The following GPR161 variants were observed in gnomAD, a reference collection of about 807,000 sequenced individuals.
GPR161 encodes the protein G-protein coupled receptor RE2.
In GPR161, 25 loss-of-function variants were observed where a neutral mutation model predicts 39.2. The observed-to-expected ratio is 0.64, with a 90% confidence interval of 0.47 to 0.89. The LOEUF (loss-of-function observed/expected upper bound fraction) is 0.89. Among genes scored for constraint, GPR161 ranks in the 40% least tolerant of loss-of-function variants. The probability of loss-of-function intolerance (pLI) is 0.00; values close to 1 mark genes in which losing one functional copy is unlikely to be tolerated. For missense variants in GPR161, 547 were observed against 677.8 expected, an observed-to-expected ratio of 0.81 and a Z score of 2.14; for synonymous variants, 286 against 276.6, an observed-to-expected ratio of 1.03 and a Z score of -0.34.
intron 1 of GPR161, chr1:168,118,787 T>G (rs1057162155): frequency 2.6e-5 from 4 of 151,944 alleles, no homozygotes; most frequent in African/African-American, 9.7e-5. Flanking sequence ...GACAAATGAC[T>G]TGAATAGACA....
rs966607427 is a variant in GPR161, at chr1:168,079,869, A to G, written c.*5662T>C. Reference sequence around the variant, plus strand: ...CCCTAGGACTGTCTTTTCCTCTGGGAGGACTGACTCACCTGTGATTTGTGG... The same window carrying G: ...CCCTAGGACTGTCTTTTCCTCTGGGGGGACTGACTCACCTGTGATTTGTGG... On this transcript the variant is annotated 3_prime_UTR_variant, in exon 6 of 6. Coordinates refer to ENST00000682931, the MANE Select transcript of GPR161 (RefSeq NM_001375883.1). 2 of 152,126 alleles carry G rather than the reference A, an allele frequency of 1.3e-5. No homozygotes were observed. Among genetic ancestry groups the G allele is most frequent in the Non-Finnish European group, 2.9e-5 (2 of 68,012 alleles). The allele number at this position is 152,126 out of a possible 1,614,324, so 9.4% of individuals were successfully genotyped here. A position where few individuals can be genotyped will look rare whatever the true frequency, so the allele number is the denominator to read the frequency against.
intron 1 of GPR161, among the ~76,000 whole-genome samples, chr1:168,122,348 C>T (rs55722501): frequency 0.094 from 14,238 of 152,242 alleles, 730 homozygotes; most frequent in East Asian, 0.19. Context: ...GCTACCACCA[C>T]TCTGGTCCAG....
chr1:168,136,646 A>T (rs1699400314), intron 1 of GPR161, 93 bp downstream of exon 1: 6 of 1,207,902 alleles, frequency 5.0e-6, no homozygotes, highest in Non-Finnish European at 6.2e-6. Flanking sequence ...CCGCGCCCTG[A>T]GCCCTCAGCC....
chr1:168,116,985 T>C (rs894203802), intron 1 of GPR161, among the ~76,000 whole-genome samples: 18 of 152,188 alleles, frequency 1.2e-4, no homozygotes, highest in African/African-American at 3.9e-4. Flanking sequence ...GGGAGAGACC[T>C]GGCTTTGGTG....
intron 1 of GPR161, among the ~76,000 whole-genome samples, chr1:168,109,892 G>A (rs1316068046): frequency 6.6e-6 from 1 of 152,020 alleles, no homozygotes; most frequent in Non-Finnish European, 1.5e-5. Context: ...CTTGAACCTG[G>A]GAGGCAGAGG....
At chr1:168,121,952 C>G (rs1013723105) in intron 1 of GPR161, among the ~76,000 whole-genome samples, 2 of 152,178 alleles carry the variant, frequency 1.3e-5, no homozygotes, top group African/African-American at 4.8e-5. Context: ...AAGGCTGTTC[C>G]AAGTCTGTTT....
chr1:168,136,558 C>T (rs1390703056), intron 1 of GPR161, 181 bp downstream of exon 1: 1 of 1,254,360 alleles, frequency 8.0e-7, no homozygotes, highest in Non-Finnish European at 1.0e-6. Flanking sequence ...AGGCGCAGTG[C>T]GGGCGGAGGA....
intron 5 of GPR161, among the ~76,000 whole-genome samples, chr1:168,087,147 C>A (rs1694590444): frequency 6.6e-6 from 1 of 152,182 alleles, no homozygotes; most frequent in Admixed American, 6.5e-5. Context: ...CCTCACAGGA[C>A]CCAAGGGCCA....
At chr1:168,136,259 G>T in intron 1 of GPR161, 1 of 1,408,266 alleles carries the variant, frequency 7.1e-7, no homozygotes. Flanking sequence ...CTGCTCACCT[G>T]GTCCTCACGG....
intron 5 of GPR161, among the ~76,000 whole-genome samples, chr1:168,086,923 C>T (rs182151347): frequency 2.9e-4 from 44 of 152,294 alleles, no homozygotes; most frequent in African/African-American, 1.0e-3. Flanking sequence ...TTCAACATTT[C>T]TGAAGAGCCT....
chr1:168,111,152 C>T (rs1459868947), intron 1 of GPR161, among the ~76,000 whole-genome samples: 1 of 152,124 alleles, frequency 6.6e-6, no homozygotes, highest in African/African-American at 2.4e-5. Flanking sequence ...AACGTATGTC[C>T]AACAGAAGGG....
intron 3 of GPR161, among the ~76,000 whole-genome samples, chr1:168,094,508 A>T (rs1259252236): frequency 6.6e-6 from 1 of 152,202 alleles, no homozygotes; most frequent in African/African-American, 2.4e-5. Flanking sequence ...ATAAAACTCC[A>T]TCAGCCCGTG....
chr1:168,137,458 T>C, upstream of GPR161: 2 of 1,452,814 alleles, frequency 1.4e-6, no homozygotes, highest in East Asian at 4.9e-5. Context: ...CCGGGCTCTG[T>C]TAATACCACA....
At chr1:168,095,407 G>A (rs1333464406) in intron 3 of GPR161, among the ~76,000 whole-genome samples, 1 of 152,234 alleles carries the variant, frequency 6.6e-6, no homozygotes, top group Non-Finnish European at 1.5e-5. Context: ...AGGAAGCTGG[G>A]TGTGTGGGAA....
chr1:168,137,001 C>G (rs1194019601), upstream of GPR161: 2 of 903,190 alleles, frequency 2.2e-6, no homozygotes, highest in Non-Finnish European at 2.6e-6. Flanking sequence ...CCCGGAGCCC[C>G]GAGCCGCCTC....
chr1:168,118,689 G>C (rs1466602237), intron 1 of GPR161: 1 of 152,120 alleles, frequency 6.6e-6, no homozygotes, highest in Non-Finnish European at 1.5e-5. Context: ...AGTGAGCCGA[G>C]ATCGTGCCAT....
Position 168,104,752 on chromosome 1 carries a change from G to A in GPR161, c.99C>T (p.Ala33=). Residue 33 remains alanine, a synonymous_variant, in exon 2 of 6, where the codon GCC becomes GCT. Transcript: ENST00000682931. ...EGGVIITQFI[A]IIVITIFVCL... ...AGACAAAAATGGTGATGACAATGAT[G>A]GCGATGAACTGGGTGATGATGACGC... 1.2e-6 allele frequency: 2 copies of A among 1,614,020 alleles called. No homozygotes were observed. Among genetic ancestry groups the A allele is most frequent in the Non-Finnish European group, 1.7e-6 (2 of 1,180,008 alleles).
At chr1:168,092,644 G>A (rs747108153) in intron 3 of GPR161, among the ~76,000 whole-genome samples, 63 of 152,180 alleles carry the variant, frequency 4.1e-4, no homozygotes, top group Non-Finnish European at 6.8e-4. Flanking sequence ...CTGAGAAGCT[G>A]AAAGAACAGG....
chr1:168,101,913 T>TCTC (rs10636141), intron 2 of GPR161, among the ~76,000 whole-genome samples: 55,263 of 151,638 alleles, frequency 0.36, 10,279 homozygotes, highest in Admixed American at 0.48. Context: ...TTCAAGTGAT[T>TCTC]CTGCCTCAGC....
Sources: allele counts gnomAD v4.1 joint callset (sites outside exome capture counted in the v4.1 genomes callset), GRCh38; gene constraint gnomAD v4.1.1; transcripts MANE v1.5; gene names NCBI Gene and HGNC (gene_info 2026-07-23, HGNC 2026-07-21).